The following TTC34 variants were observed in gnomAD, a reference collection of about 807,000 sequenced individuals.
TTC34 encodes the protein tetratricopeptide repeat domain 34.
Under a neutral mutation model 40.7 loss-of-function variants are expected in TTC34, and 44 were observed. The ratio of observed to expected loss-of-function variants is 1.08; its 90% CI spans 0.85 to 1.39. The LOEUF (loss-of-function observed/expected upper bound fraction) is 1.39. Among genes scored for constraint, TTC34 ranks in the 40% most tolerant of loss-of-function variants. The pLI is 0.00. For missense variants in TTC34, 884 were observed against 838.0 expected (o/e 1.05, Z -0.68); for synonymous variants, 422 against 398.6 (o/e 1.06, Z -0.70).
intron 6 of TTC34, among the ~76,000 whole-genome samples, chr1:2,681,104 C>G (rs1189828120): frequency 2.3e-5 from 2 of 86,486 alleles, no homozygotes; most frequent in African/African-American, 8.3e-5. Flanking sequence ...GTGCCCACAC[C>G]CCCAGGTGAG....
exon 3 of TTC34, chr1:2,789,646 C>T: frequency 7.4e-7 from 1 of 1,346,652 alleles, no homozygotes; most frequent in Non-Finnish European, 9.5e-7. Flanking sequence ...GGTTCCAGGG[C>T]ACGTAGGCCT....
At chr1:2,756,957 G>C (rs1641526750) in intron 6 of TTC34, among the ~76,000 whole-genome samples, 20 of 150,420 alleles carry the variant, frequency 1.3e-4, no homozygotes, top group East Asian at 3.9e-4. Flanking sequence ...CCCCAGGTGA[G>C]CATCTGACAG....
chr1:2,685,037 C>A (rs1198052104), intron 6 of TTC34, among the ~76,000 whole-genome samples: 5 of 107,940 alleles, frequency 4.6e-5, no homozygotes, highest in East Asian at 3.3e-4. Context: ...AGCACCCACA[C>A]CCACAGGTGA....
rs200941052 is a variant in TTC34, at chr1:2,681,704, C to G, written c.2227-36141G>C. On this transcript the variant is annotated intron_variant, in intron 6 of 8. Transcript: ENST00000401095. Reference sequence around the variant, plus strand: ...TTGACAGCCTGGAACAGCACTCACACCCCCAGGAGAGCATCCGGCAGCCTG... The same window carrying G: ...TTGACAGCCTGGAACAGCACTCACAGCCCCAGGAGAGCATCCGGCAGCCTG... Among the ~76,000 whole-genome samples the G allele has an allele frequency of 1.1e-4, 10 of 94,214 alleles. No homozygotes were observed. The South Asian group carries it at 2.3e-3, about 21-fold the overall frequency. The allele number at this position is 94,214 out of a possible 152,430, so 61.8% of individuals were successfully genotyped here.
intron 6 of TTC34, among the ~76,000 whole-genome samples, chr1:2,657,428 C>T (rs1481987542): frequency 3.6e-5 from 3 of 82,782 alleles, no homozygotes; most frequent in East Asian, 2.8e-4. Context: ...TACCCCCAGG[C>T]GAGCATCTGA....
chr1:2,792,566 A>G (rs568927447), intron 2 of TTC34, among the ~76,000 whole-genome samples: 5 of 152,134 alleles, frequency 3.3e-5, no homozygotes, highest in Middle Eastern at 3.4e-3. Flanking sequence ...CTGGGTTTAA[A>G]CTCCAAATTC....
chr1:2,687,775 G>A (rs557895408), intron 6 of TTC34, among the ~76,000 whole-genome samples: 6 of 150,264 alleles, frequency 4.0e-5, no homozygotes, highest in East Asian at 3.9e-4. Flanking sequence ...ACCCTGAGGC[G>A]AGCATCTGAC....
intron 8 of TTC34, among the ~76,000 whole-genome samples, chr1:2,642,410 G>T (rs1211214213): frequency 6.6e-6 from 1 of 152,150 alleles, no homozygotes; most frequent in Non-Finnish European, 1.5e-5. Flanking sequence ...GGCTGCTCCA[G>T]GCCTCTGAGC....
chr1:2,641,753 T>C, exon 9 of TTC34: 1 of 1,535,292 alleles, frequency 6.5e-7, no homozygotes, highest in Non-Finnish European at 8.7e-7. Context: ...CCGGCCAAAC[T>C]CCTGCAACTC....
At chr1:2,644,281 G>T in exon 8 of TTC34, 1 of 1,534,542 alleles carries the variant, frequency 6.5e-7, no homozygotes, top group South Asian at 1.2e-5. Flanking sequence ...AGGCTCTGCC[G>T]CTCCGAGGCC....
At chr1:2,652,226 G>A (rs796997580) in intron 6 of TTC34, among the ~76,000 whole-genome samples, 2 of 3,188 alleles carry the variant, frequency 6.3e-4, no homozygotes, top group Non-Finnish European at 1.8e-3. Context: ...GCATCTGACG[G>A]CCTGGAACAG....
chr1:2,791,776 G>A (rs760106027), intron 2 of TTC34, among the ~76,000 whole-genome samples: 27 of 152,010 alleles, frequency 1.8e-4, no homozygotes, highest in Admixed American at 3.3e-4. Flanking sequence ...GTGATGGGGC[G>A]CTGTTATTTA....
At chr1:2,646,509 G>A (rs188937706) in intron 6 of TTC34, among the ~76,000 whole-genome samples, 47 of 152,194 alleles carry the variant, frequency 3.1e-4, no homozygotes, top group African/African-American at 9.2e-4. Flanking sequence ...TTCTGCCTCC[G>A]GAGTAGCTGG....
intron 6 of TTC34, among the ~76,000 whole-genome samples, chr1:2,751,261 C>A (rs1641309334): frequency 8.7e-6 from 1 of 115,316 alleles, no homozygotes; most frequent in South Asian, 3.1e-4. Flanking sequence ...CAGTGAGCAT[C>A]CGACAGCCTG....
chr1:2,786,066 T>C, intron 4 of TTC34, 43 bp from the exon 5 acceptor site: 1 of 1,414,578 alleles, frequency 7.1e-7, no homozygotes. Context: ...TTGGGACCGA[T>C]GCCCTGGAGC....
intron 6 of TTC34, among the ~76,000 whole-genome samples, chr1:2,684,453 G>A (rs1640225656): frequency 7.1e-6 from 1 of 141,416 alleles, no homozygotes; most frequent in Admixed American, 7.1e-5. Context: ...GTGAGCATCT[G>A]ACGGCCTGCA....
At chr1:2,692,760 CCCACA>C (rs1640685696) in intron 6 of TTC34, among the ~76,000 whole-genome samples, 9 of 88,146 alleles carry the variant, frequency 1.0e-4, no homozygotes, top group South Asian at 4.0e-4. Context: ...AGGTGAGCAT[CCCACA>C]GCCTGGAGCA....
At chr1:2,642,925 C>G (rs1354131000) in intron 8 of TTC34, among the ~76,000 whole-genome samples, 2 of 152,236 alleles carry the variant, frequency 1.3e-5, no homozygotes, top group African/African-American at 4.8e-5. Context: ...CTGAGCAGGG[C>G]AGGGGCTCGA....
chr1:2,690,099 C>A (rs567204778), intron 6 of TTC34, among the ~76,000 whole-genome samples: 979 of 107,988 alleles, frequency 9.1e-3, no homozygotes, highest in African/African-American at 0.024. Context: ...GCACCCACAC[C>A]CCCAGGTGAG....
Sources: allele counts gnomAD v4.1 joint callset (sites outside exome capture counted in the v4.1 genomes callset), GRCh38; gene constraint gnomAD v4.1.1; transcripts MANE v1.5; gene names NCBI Gene and HGNC (gene_info 2026-07-23, HGNC 2026-07-21).